NTM: variants seen among roughly 807,000 people sequenced by gnomAD.
The protein encoded by NTM is IgLON family member 2.
NTM carries 13 observed loss-of-function variants against 42.1 expected under a neutral mutation model. The observed-to-expected ratio is 0.31, with a 90% CI of 0.20 to 0.49. The LOEUF (loss-of-function observed/expected upper bound fraction) is 0.49, where lower values mean the gene tolerates loss of function less well. NTM is among the 20% of genes least tolerant of loss of function. NTM has a pLI of 0.99. For missense variants in NTM, 373 were observed against 452.8 expected (o/e 0.82, Z 1.60); for synonymous variants, 187 against 179.2 (o/e 1.04, Z -0.35).
At chr11:132,253,595 C>T (rs907336726) in intron 4 of NTM, among the ~76,000 whole-genome samples, 16 of 152,056 alleles carry the variant, frequency 1.1e-4, no homozygotes, top group Non-Finnish European at 1.8e-4. Context: ...TTTATTTTTC[C>T]CCTTGTAAAT....
chr11:131,449,638 T>C (rs1950333639), intron 1 of NTM, among the ~76,000 whole-genome samples: 1 of 152,158 alleles, frequency 6.6e-6, no homozygotes. Flanking sequence ...CTCTTCTAAT[T>C]CCTCCGTGCT....
chr11:131,927,951 G>T (rs2134048092), intron 2 of NTM, among the ~76,000 whole-genome samples: 1 of 152,132 alleles, frequency 6.6e-6, no homozygotes, highest in African/African-American at 2.4e-5. Context: ...TTCTATATTG[G>T]GAACAAAGGA....
intron 4 of NTM, among the ~76,000 whole-genome samples, chr11:132,294,238 G>A (rs866116814): frequency 3.3e-5 from 5 of 151,984 alleles, no homozygotes; most frequent in East Asian, 3.9e-4. Flanking sequence ...TCTGTTTGAC[G>A]TGCAATTTTA....
At chr11:131,907,133 C>G (rs1435896287) in intron 1 of NTM, among the ~76,000 whole-genome samples, 2 of 152,176 alleles carry the variant, frequency 1.3e-5, no homozygotes, top group African/African-American at 4.8e-5. Context: ...GAGAGGGGAG[C>G]CTTTAGCCTT....
chr11:131,492,422 T>C (rs1348815357), intron 1 of NTM, among the ~76,000 whole-genome samples: 1 of 152,236 alleles, frequency 6.6e-6, no homozygotes, highest in Admixed American at 6.5e-5. Context: ...CATCTTTATG[T>C]ATAACGCTAA....
chr11:131,891,083 A>G (rs1407146721), intron 1 of NTM, among the ~76,000 whole-genome samples: 2 of 152,182 alleles, frequency 1.3e-5, no homozygotes, highest in Non-Finnish European at 2.9e-5. Context: ...GATGACTTCT[A>G]TGAGTCTTTT....
chr11:131,718,910 T>G (rs2078021638), intron 1 of NTM, among the ~76,000 whole-genome samples: 1 of 152,186 alleles, frequency 6.6e-6, no homozygotes, highest in Non-Finnish European at 1.5e-5. Flanking sequence ...TTTCATTGCC[T>G]GGTATCAGTG....
chr11:131,469,797 A>G (rs768148519), intron 1 of NTM, among the ~76,000 whole-genome samples: 2 of 152,224 alleles, frequency 1.3e-5, no homozygotes, highest in Non-Finnish European at 2.9e-5. Context: ...AAGTTCCTAC[A>G]TGTAGAATAA....
chr11:131,485,692 G>T (rs1205652472), intron 1 of NTM, among the ~76,000 whole-genome samples: 1 of 152,198 alleles, frequency 6.6e-6, no homozygotes, highest in African/African-American at 2.4e-5. Context: ...ACAGGGTATT[G>T]ATACCAGGAA....
At chr11:132,134,205 G>A (rs1037063680) in intron 2 of NTM, among the ~76,000 whole-genome samples, 23 of 152,102 alleles carry the variant, frequency 1.5e-4, no homozygotes, top group Admixed American at 8.5e-4. Context: ...TTACAGGCGT[G>A]AGCCACCGTG....
chr11:132,314,380 A>C (rs1389168209), intron 6 of NTM, 172 bp from the exon 7 acceptor site: 2 of 275,292 alleles, frequency 7.3e-6, no homozygotes, highest in African/African-American at 2.3e-5. Flanking sequence ...CGTGTCACTC[A>C]CTGTCTGTGA....
chr11:132,251,489 C>G (rs978474167), intron 4 of NTM, among the ~76,000 whole-genome samples: 2 of 152,184 alleles, frequency 1.3e-5, no homozygotes, highest in African/African-American at 4.8e-5. Flanking sequence ...CCTGTTTAAA[C>G]CACATCGCAC....
chr11:131,710,169 T>G (rs979475074), intron 1 of NTM, among the ~76,000 whole-genome samples: 2 of 152,172 alleles, frequency 1.3e-5, no homozygotes, highest in African/African-American at 4.8e-5. Flanking sequence ...AGATACCAGA[T>G]TCTTTCACCA....
At chr11:131,500,646 A>G (rs1403568343) in intron 1 of NTM, among the ~76,000 whole-genome samples, 1 of 147,790 alleles carries the variant, frequency 6.8e-6, no homozygotes, top group East Asian at 2.0e-4. Flanking sequence ...CAGGTTTGTT[A>G]CATATGGATA....
chr11:131,589,808 C>T (rs939078300), intron 1 of NTM, among the ~76,000 whole-genome samples: 1 of 152,186 alleles, frequency 6.6e-6, no homozygotes, highest in South Asian at 2.1e-4. Context: ...ACTTATTGTG[C>T]CTCACCTGGT....
intron 1 of NTM, among the ~76,000 whole-genome samples, chr11:131,376,941 T>A (rs1363559488): frequency 6.6e-6 from 1 of 152,122 alleles, no homozygotes; most frequent in Non-Finnish European, 1.5e-5. Flanking sequence ...AAAACAGCGA[T>A]GAAAAAGCAA....
intron 1 of NTM, among the ~76,000 whole-genome samples, chr11:131,755,828 C>T (rs1181369320): frequency 1.3e-5 from 2 of 152,212 alleles, no homozygotes; most frequent in African/African-American, 2.4e-5. Flanking sequence ...CATTCTGAAG[C>T]TTTGGCCAAA....
intron 1 of NTM, among the ~76,000 whole-genome samples, chr11:131,508,690 G>A (rs371218734): frequency 6.6e-6 from 1 of 150,624 alleles, no homozygotes; most frequent in Non-Finnish European, 1.5e-5. Flanking sequence ...ATACACCATG[G>A]AATACTATGC....
At chr11:131,922,295 T>A (rs2057339048) in intron 2 of NTM, 1 of 152,690 alleles carries the variant, frequency 6.5e-6, no homozygotes, top group Non-Finnish European at 1.5e-5. Flanking sequence ...CCTCTGCCCC[T>A]TCCTTGCCGT....
Sources: allele counts gnomAD v4.1 joint callset (sites outside exome capture counted in the v4.1 genomes callset), GRCh38; gene constraint gnomAD v4.1.1; transcripts MANE v1.5; gene names NCBI Gene and HGNC (gene_info 2026-07-23, HGNC 2026-07-21).